Variants in LRCH3 observed in about 807,000 individuals in gnomAD.
The protein encoded by LRCH3 is leucine rich repeats and calponin homology domain containing 3, also known as DISP complex protein LRCH3.
LRCH3 carries 68 observed loss-of-function variants against 104.5 expected under a neutral mutation model. That is an observed-to-expected ratio of 0.65 (90% CI 0.54 to 0.80). The LOEUF is 0.80. LRCH3 is among the 30% of genes least tolerant of loss of function. LRCH3 has a pLI of 0.00. For missense variants in LRCH3, 951 were observed against 953.9 expected (o/e 1.00, Z 0.04); for synonymous variants, 344 against 361.3 (o/e 0.95, Z 0.54).
At chr3:197,801,649 A>G (rs1320288823) in intron 1 of LRCH3, among the ~76,000 whole-genome samples, 1 of 151,874 alleles carries the variant, frequency 6.6e-6, no homozygotes, top group African/African-American at 2.4e-5. Flanking sequence ...ACATTTTTTT[A>G]TTGTCACAGT....
At chr3:197,805,933 T>A (rs778046254) in intron 1 of LRCH3, among the ~76,000 whole-genome samples, 9 of 152,080 alleles carry the variant, frequency 5.9e-5, no homozygotes, top group Non-Finnish European at 7.4e-5. Context: ...TGTTTTTGTT[T>A]CTGTTTTTTT....
At chr3:197,815,721 G>A (rs114844312) in intron 2 of LRCH3, among the ~76,000 whole-genome samples, 110 of 152,294 alleles carry the variant, frequency 7.2e-4, no homozygotes, top group African/African-American at 2.6e-3. Flanking sequence ...AGTTCCGAAT[G>A]TATGAATGCA....
At chr3:197,806,476 AACAG>A (rs1484979506) in intron 1 of LRCH3, among the ~76,000 whole-genome samples, 2 of 152,084 alleles carry the variant, frequency 1.3e-5, no homozygotes, top group Non-Finnish European at 2.9e-5. Flanking sequence ...ACCCAGAGAA[AACAG>A]ACAGTGCTGA....
chr3:197,842,424 C>A (rs1438902813), intron 10 of LRCH3, among the ~76,000 whole-genome samples: 2 of 152,134 alleles, frequency 1.3e-5, no homozygotes, highest in Admixed American at 1.3e-4. Context: ...CTCAGACCAG[C>A]AAGACTTGTC....
At chr3:197,803,928 C>T (rs938827220) in intron 1 of LRCH3, among the ~76,000 whole-genome samples, 3 of 152,012 alleles carry the variant, frequency 2.0e-5, no homozygotes, top group South Asian at 2.1e-4. Context: ...TGATATGGGG[C>T]GACCAAATTG....
intron 20 of LRCH3, chr3:197,881,999 C>CT: frequency 1.0e-6 from 1 of 985,410 alleles, no homozygotes; most frequent in Non-Finnish European, 1.2e-6. Flanking sequence ...CAGTAGGTGC[C>CT]TTTCAGACTT....
Position 197,858,899 on chromosome 3 carries a change from T to C in LRCH3, c.1710T>C (p.Pro570=). ...TGCCTCATTCTTCTGCCTTCACGCC[T>C]CTTAAGGTATCTCTTGTTATTGTAA... ...ATLPHSSAFT[P]LKSDDRPNAL... The change falls in exon 15 of 21, where the codon CCT becomes CCC. Residue 570 remains proline, a synonymous_variant. Coordinates refer to ENST00000425562, the MANE Select transcript of LRCH3 (RefSeq NM_001365715.1). The C allele has an allele frequency of 1.2e-6, 2 of 1,612,566 alleles. No individual in the cohort carries two copies. Among genetic ancestry groups the C allele is most frequent in the East Asian group, 4.5e-5 (2 of 44,872 alleles).
At chr3:197,871,763 T>C (rs1712221800) in intron 19 of LRCH3, among the ~76,000 whole-genome samples, 2 of 152,220 alleles carry the variant, frequency 1.3e-5, no homozygotes, top group Admixed American at 6.5e-5. Context: ...TTTGAACTAA[T>C]TCTTGAAGTT....
At chr3:197,839,524 G>A (rs186042705) in intron 10 of LRCH3, 127 bp downstream of exon 10, 198 of 542,506 alleles carry the variant, frequency 3.6e-4, no homozygotes, top group African/African-American at 8.4e-4. Context: ...ACTGAGCGAC[G>A]GTGTGCTTTT....
At chr3:197,816,944 T>C (rs1325357605) in intron 2 of LRCH3, among the ~76,000 whole-genome samples, 1 of 152,164 alleles carries the variant, frequency 6.6e-6, no homozygotes, top group Non-Finnish European at 1.5e-5. Context: ...AGGGAGATAC[T>C]AAGATCTTCA....
intron 4 of LRCH3, among the ~76,000 whole-genome samples, chr3:197,823,942 G>A (rs1367353906): frequency 1.3e-5 from 2 of 152,124 alleles, no homozygotes; most frequent in African/African-American, 2.4e-5. Flanking sequence ...TCTTCCCAGT[G>A]TAGTTTTAGC....
intron 4 of LRCH3, among the ~76,000 whole-genome samples, chr3:197,820,823 GGAGA>G (rs999233967): frequency 5.2e-4 from 78 of 151,446 alleles, no homozygotes; most frequent in African/African-American, 1.2e-3. Flanking sequence ...AACGGGGTGG[GGAGA>G]GAGAGAGAGA....
chr3:197,847,605 T>C, intron 11 of LRCH3, 145 bp downstream of exon 11: 1 of 716,684 alleles, frequency 1.4e-6, no homozygotes, highest in Non-Finnish European at 2.3e-6. Flanking sequence ...ATGTACGTGA[T>C]ACTTGCTAAC....
intron 3 of LRCH3, among the ~76,000 whole-genome samples, chr3:197,819,583 G>A (rs535893999): frequency 6.6e-6 from 1 of 152,178 alleles, no homozygotes; most frequent in African/African-American, 2.4e-5. Context: ...GGGTGTGGTG[G>A]TGGGTGCCTG....
At chr3:197,855,553 G>A (rs1262606154) in intron 14 of LRCH3, among the ~76,000 whole-genome samples, 9 of 152,148 alleles carry the variant, frequency 5.9e-5, no homozygotes, top group African/African-American at 1.9e-4. Context: ...GTGCAAGGCT[G>A]GGAATCCACA....
intron 11 of LRCH3, 43 bp from the exon 12 acceptor site, chr3:197,847,828 TC>T: frequency 6.2e-7 from 1 of 1,600,362 alleles, no homozygotes; most frequent in Non-Finnish European, 8.5e-7. Context: ...GGTAACGTGA[TC>T]CTCATTTTTA....
rs1740016942 is a variant in LRCH3, at chr3:197,854,525, C to T, written c.1644+80C>T. 1 of 1,278,138 alleles carries T rather than the reference C, an allele frequency of 7.8e-7. No individual in the cohort carries two copies. The highest frequency in any genetic ancestry group is 1.5e-5 in the African/African-American group (1 of 68,698). The allele number at this position is 1,278,138 out of a possible 1,614,324, so 79.2% of individuals were successfully genotyped here. A position where few individuals can be genotyped will look rare whatever the true frequency, so the allele number is the denominator to read the frequency against. On this transcript the variant is annotated intron_variant, in intron 14 of 20. Coordinates refer to ENST00000425562, the MANE Select transcript of LRCH3 (RefSeq NM_001365715.1). This position sits in a 1 kb window ranked among gnomAD's most constrained non-coding sequence, Gnocchi z 4.5. ...TTTTATTCAGAAACTATCTAAATAC[C>T]ATAAAACATGATGAACATCATTACT...
At chr3:197,879,617 A>C (rs1298122421) in intron 20 of LRCH3, among the ~76,000 whole-genome samples, 1 of 151,486 alleles carries the variant, frequency 6.6e-6, no homozygotes, top group Non-Finnish European at 1.5e-5. Context: ...ACTCCGTCTC[A>C]AAAAAAATAA....
Position 197,847,991 on chromosome 3 carries a change from C to G in LRCH3, c.1500C>G (p.Ile500Met). The change falls in exon 12 of 21, where the codon ATC becomes ATG. Residue 500 changes from isoleucine to methionine, a missense_variant. Coordinates refer to ENST00000425562, the MANE Select transcript of LRCH3 (RefSeq NM_001365715.1). The part of the protein sequence containing the change: ...YEEEKIRTKQ[I>M]QRDAVLDFVK... ...AGGAGAAAATAAGGACCAAGCAGAT[C>G]CAGAGAGATGCTGTCCTGGACTTTG... 1 of 1,614,112 alleles carries G rather than the reference C, an allele frequency of 6.2e-7. No homozygotes were observed. The highest frequency in any genetic ancestry group is 8.5e-7 in the Non-Finnish European group (1 of 1,180,010).
Sources: allele counts gnomAD v4.1 joint callset (sites outside exome capture counted in the v4.1 genomes callset), GRCh38; gene constraint gnomAD v4.1.1; non-coding constraint Gnocchi (gnomAD v3.1); transcripts MANE v1.5; gene names NCBI Gene and HGNC (gene_info 2026-07-23, HGNC 2026-07-21).